Variants in ARHGEF3 observed in about 807,000 individuals in gnomAD.
The protein encoded by ARHGEF3 is 59.8 kDA protein.
Under a neutral mutation model 63.2 loss-of-function variants are expected in ARHGEF3, and 28 were observed. The observed-to-expected ratio is 0.44, with a 90% CI of 0.33 to 0.61. ARHGEF3 has a LOEUF of 0.61. ARHGEF3 is among the 20% of genes least tolerant of loss of function. ARHGEF3 has a pLI of 0.03. For missense variants in ARHGEF3, 533 were observed against 659.3 expected (o/e 0.81, Z 2.10); for synonymous variants, 266 against 254.2 (o/e 1.05, Z -0.44).
rs529369067 is a variant in ARHGEF3 at position 56,939,534 on chromosome 3, T to C, written c.129+19289A>G. On this transcript the variant is annotated intron_variant, in intron 3 of 12. Transcript: ENST00000338458. ...TTTAAAACCCCTGACTGAACCCCAA[T>C]ACTTCCCAACAGTCTAGAAATGGCT... Among the ~76,000 whole-genome samples the C allele has an allele frequency of 1.6e-3, 248 of 152,312 alleles. 2 individuals carry two copies. Among genetic ancestry groups the C allele is most frequent in the African/African-American group, 5.7e-3 (237 of 41,570 alleles).
Position 56,993,744 on chromosome 3 carries a change from C to T in ARHGEF3, c.63-34855G>A, listed in dbSNP as rs541436165. ...CATGTGGAAGGAGAAATATTCATATCTCATTAAAAGGCTCAGTGATCATGG... is the reference window on the plus strand; with the variant it reads ...CATGTGGAAGGAGAAATATTCATATTTCATTAAAAGGCTCAGTGATCATGG... On this transcript the variant is annotated intron_variant, in intron 2 of 12. Transcript: ENST00000338458. Among the ~76,000 whole-genome samples, 23 of 151,254 alleles carry T rather than the reference C, an allele frequency of 1.5e-4. No individual in the cohort carries two copies. The East Asian group carries it at 4.3e-3, about 29-fold the overall frequency.
chr3:56,745,710 C>T (rs2034338165), intron 6 of ARHGEF3, among the ~76,000 whole-genome samples: 1 of 151,930 alleles, frequency 6.6e-6, no homozygotes, highest in Non-Finnish European at 1.5e-5. Context: ...CTCGCTCTGT[C>T]ACCCAGGCTG....
chr3:57,016,420 G>A (rs930514227), intron 2 of ARHGEF3, among the ~76,000 whole-genome samples: 5 of 151,692 alleles, frequency 3.3e-5, no homozygotes, highest in African/African-American at 1.2e-4. Flanking sequence ...GTGATGGTGG[G>A]CGCCTATAAT....
Position 57,039,248 on chromosome 3 carries a change from G to A in ARHGEF3, c.-27-4072C>T, listed in dbSNP as rs574384960. 1.1e-4 allele frequency among the ~76,000 whole-genome samples: 16 copies of A among 152,260 alleles called. No individual in the cohort carries two copies. In the South Asian group the frequency reaches 2.5e-3, roughly 24 times the overall value. On this transcript the variant is annotated intron_variant, in intron 1 of 12. Coordinates refer to the ARHGEF3 transcript ENST00000338458. ...TCAACCTCCTGCAAAGCACAACTGCGTCCATTGGACAGAAGGTCCTGCTAA... is the reference window on the plus strand; with the variant it reads ...TCAACCTCCTGCAAAGCACAACTGCATCCATTGGACAGAAGGTCCTGCTAA...
intron 1 of ARHGEF3, among the ~76,000 whole-genome samples, chr3:57,043,122 A>AT (rs922438029): frequency 9.6e-5 from 14 of 145,296 alleles, no homozygotes; most frequent in South Asian, 4.3e-4. Flanking sequence ...TACCACTAAC[A>AT]TTTTTTTTTT....
chr3:56,743,372 G>C (rs2034170682), intron 7 of ARHGEF3, among the ~76,000 whole-genome samples: 1 of 152,198 alleles, frequency 6.6e-6, no homozygotes, highest in Non-Finnish European at 1.5e-5. Context: ...TAGTGGGCAG[G>C]CTTTCTGCAT....
intron 4 of ARHGEF3, among the ~76,000 whole-genome samples, chr3:56,863,302 A>C (rs62249822): frequency 2.9e-5 from 4 of 135,670 alleles, no homozygotes; most frequent in East Asian, 2.1e-4. Flanking sequence ...ACACCCAGCT[A>C]ATTTTTTTTT....
At chr3:56,822,332 T>C (rs2038538470) in intron 4 of ARHGEF3, among the ~76,000 whole-genome samples, 1 of 152,176 alleles carries the variant, frequency 6.6e-6, no homozygotes, top group African/African-American at 2.4e-5. Flanking sequence ...TTTCCAGTCC[T>C]GCACTAATTG....
At chr3:57,047,147 A>G (rs548780277) in intron 1 of ARHGEF3, among the ~76,000 whole-genome samples, 1 of 152,336 alleles carries the variant, frequency 6.6e-6, no homozygotes, top group South Asian at 2.1e-4. Context: ...CAGGAGTTCA[A>G]GCCCAATCTG....
upstream of ARHGEF3, among the ~76,000 whole-genome samples, chr3:56,806,073 T>C (rs183270702): frequency 1.3e-5 from 2 of 152,296 alleles, no homozygotes; most frequent in African/African-American, 4.8e-5. Context: ...AGTATATAGG[T>C]TAAGGTCAGG....
chr3:57,049,823 C>T (rs1704599756), intron 1 of ARHGEF3, among the ~76,000 whole-genome samples: 1 of 152,226 alleles, frequency 6.6e-6, no homozygotes, highest in African/African-American at 2.4e-5. Context: ...CCAGCACCCA[C>T]TAGGTGCAGC....
chr3:57,021,997 A>C (rs867659348), intron 2 of ARHGEF3, among the ~76,000 whole-genome samples: 4 of 152,206 alleles, frequency 2.6e-5, no homozygotes, highest in Non-Finnish European at 5.9e-5. Context: ...TTGGCTGGAC[A>C]TGGTGGCTCA....
intron 1 of ARHGEF3, among the ~76,000 whole-genome samples, chr3:56,793,755 C>A (rs2037210460): frequency 6.6e-6 from 1 of 152,104 alleles, no homozygotes; most frequent in African/African-American, 2.4e-5. Context: ...GTATCTTTGG[C>A]TTATTTGTCA....
intron 2 of ARHGEF3, among the ~76,000 whole-genome samples, chr3:56,769,787 C>T (rs1559922977): frequency 6.6e-6 from 1 of 152,178 alleles, no homozygotes; most frequent in Non-Finnish European, 1.5e-5. Flanking sequence ...AGAATCCAAC[C>T]TGAGAGACAT....
At chr3:56,944,256 G>A (rs569422345) in intron 3 of ARHGEF3, among the ~76,000 whole-genome samples, 25 of 152,238 alleles carry the variant, frequency 1.6e-4, no homozygotes, top group Admixed American at 1.1e-3. Flanking sequence ...TGGTGGCTGT[G>A]GGCAAAGTAA....
chr3:56,729,308 A>G lies in ARHGEF3; in HGVS notation c.1543T>C (p.Ser515Pro). ...DCERMEQTDS[S>P]CGNSRHGESN... ...TCACCGTGCCTGCTGTTTCCACAGG[A>G]AGAGTCTGTCTGTTCCATGCGCTCA... Residue 515 changes from serine to proline, a missense_variant, in exon 10 of 10, where the codon TCC (serine) becomes CCC (proline). Coordinates refer to ENST00000296315, the MANE Select transcript of ARHGEF3 (RefSeq NM_019555.3). 2 of 1,613,984 alleles carry G rather than the reference A, an allele frequency of 1.2e-6. No individual in the cohort carries two copies. The highest frequency in any genetic ancestry group is 1.7e-6 in the Non-Finnish European group (2 of 1,179,922).
At chr3:56,795,645 GTC>G (rs202134906) in intron 1 of ARHGEF3, among the ~76,000 whole-genome samples, 11 of 92,970 alleles carry the variant, frequency 1.2e-4, no homozygotes, top group African/African-American at 1.6e-4. Flanking sequence ...TTGTGACACA[GTC>G]TCTCTCTCTT....
intron 2 of ARHGEF3, among the ~76,000 whole-genome samples, chr3:56,982,176 A>ACCTG (rs1439419584): frequency 1.3e-5 from 2 of 152,116 alleles, no homozygotes; most frequent in Non-Finnish European, 2.9e-5. Context: ...CTAATGACAC[A>ACCTG]GATTAACCAC....
intron 1 of ARHGEF3, among the ~76,000 whole-genome samples, chr3:56,778,206 A>T (rs62252679): frequency 0.33 from 50,921 of 152,104 alleles, 9,616 homozygotes; most frequent in Middle Eastern, 0.57. Context: ...ATATAGTTGC[A>T]TATTTATTCC....
Sources: gnomAD v4.1 joint callset for allele counts (sites outside exome capture counted in the v4.1 genomes callset) on GRCh38, gnomAD v4.1.1 for gene constraint, MANE v1.5 for transcripts, NCBI Gene and HGNC (gene_info 2026-07-23, HGNC 2026-07-21) for gene names.